HECTD2: variants seen among roughly 807,000 people sequenced by gnomAD.
HECTD2 encodes the protein probable E3 ubiquitin-protein ligase HECTD2.
Under a neutral mutation model 103.2 loss-of-function variants are expected in HECTD2, and 35 were observed. The ratio of observed to expected loss-of-function variants is 0.34; its 90% confidence interval spans 0.26 to 0.45. The LOEUF is 0.45. Ranked by LOEUF, HECTD2 falls within the 20% of genes least tolerant of loss-of-function variation. The pLI is 1.00. For missense variants in HECTD2, 596 were observed against 937.4 expected, an observed-to-expected ratio of 0.64 and a Z score of 4.76; for synonymous variants, 281 against 329.9, an observed-to-expected ratio of 0.85 and a Z score of 1.61.
chr10:91,468,404 AT>A (rs1367083486), intron 5 of HECTD2, among the ~76,000 whole-genome samples: 1 of 152,240 alleles, frequency 6.6e-6, no homozygotes, highest in Non-Finnish European at 1.5e-5. Context: ...GCCAAAAAAA[AT>A]AAAATCCCAT....
intron 2 of HECTD2, among the ~76,000 whole-genome samples, chr10:91,444,706 AAATC>A (rs1342471006): frequency 1.3e-5 from 2 of 152,098 alleles, no homozygotes; most frequent in African/African-American, 2.4e-5. Context: ...CAAAAAGAGA[AAATC>A]AATAACCATG....
At chr10:91,435,348 G>A (rs1186038609) in intron 2 of HECTD2, among the ~76,000 whole-genome samples, 1 of 151,960 alleles carries the variant, frequency 6.6e-6, no homozygotes, top group Non-Finnish European at 1.5e-5. Flanking sequence ...ACTGTCAAGA[G>A]TACTATAGGT....
At chr10:91,483,652 C>T (rs1846170551) in intron 8 of HECTD2, among the ~76,000 whole-genome samples, 1 of 151,916 alleles carries the variant, frequency 6.6e-6, no homozygotes, top group Middle Eastern at 3.4e-3. Flanking sequence ...TATCATTATT[C>T]ATAGTAGTTA....
intron 20 of HECTD2, among the ~76,000 whole-genome samples, chr10:91,503,997 G>GCAC (rs1038549206): frequency 3.3e-5 from 5 of 152,128 alleles, no homozygotes; most frequent in Non-Finnish European, 7.4e-5. Context: ...TAACTGGGAG[G>GCAC]CACCCTCCAG....
intron 20 of HECTD2, among the ~76,000 whole-genome samples, chr10:91,503,974 C>A (rs756672955): frequency 1.3e-5 from 2 of 152,190 alleles, no homozygotes; most frequent in Admixed American, 1.3e-4. Context: ...TGACACCTGA[C>A]CCCCGAGCAG....
intron 2 of HECTD2, among the ~76,000 whole-genome samples, chr10:91,456,319 T>C (rs1271698936): frequency 2.6e-5 from 4 of 152,164 alleles, no homozygotes; most frequent in African/African-American, 9.7e-5. Flanking sequence ...TCCTAGGTAT[T>C]TTATTCTCTT....
At chr10:91,416,532 T>C (rs1050543361) in intron 1 of HECTD2, among the ~76,000 whole-genome samples, 10 of 152,208 alleles carry the variant, frequency 6.6e-5, no homozygotes, top group Non-Finnish European at 1.0e-4. Flanking sequence ...GGCTATATCA[T>C]ATAACCTAGG....
Position 91,476,386 on chromosome 10 carries a change from T to C in HECTD2, c.601-1815T>C, listed in dbSNP as rs542964721. The stretch of plus-strand genomic sequence containing the variant: ...AGAGCTCCAGGATCACCACACCTGC[T>C]CAATCACCCAGAAATAGGTTTGGAG... On this transcript the variant is annotated intron_variant, in intron 5 of 20. Transcript: ENST00000298068. Among the ~76,000 whole-genome samples the C allele has an allele frequency of 4.9e-4, 74 of 152,234 alleles. 4 individuals carry two copies. In the South Asian group the frequency reaches 1.0e-2, roughly 20 times the overall value.
chr10:91,479,084 C>G (rs898060481), intron 6 of HECTD2, among the ~76,000 whole-genome samples: 2 of 152,078 alleles, frequency 1.3e-5, no homozygotes, highest in African/African-American at 4.8e-5. Flanking sequence ...TGTGGTTGCA[C>G]CGTCCTGTAA....
At chr10:91,503,381 A>G (rs1039243766) in intron 20 of HECTD2, among the ~76,000 whole-genome samples, 4 of 152,152 alleles carry the variant, frequency 2.6e-5, no homozygotes, top group Non-Finnish European at 5.9e-5. Flanking sequence ...TCATCTCACT[A>G]GGGAGTGCCA....
intron 11 of HECTD2, chr10:91,489,324 T>G (rs1477215418): frequency 6.6e-6 from 1 of 152,194 alleles, no homozygotes; most frequent in African/African-American, 2.4e-5. Context: ...AATTGCCATA[T>G]CACTTGGAAT....
At chr10:91,478,772 A>G (rs1034927364) in intron 6 of HECTD2, among the ~76,000 whole-genome samples, 1 of 151,892 alleles carries the variant, frequency 6.6e-6, no homozygotes, top group Non-Finnish European at 1.5e-5. Flanking sequence ...CATAATATAA[A>G]AATGTACTTT....
chr10:91,501,104 G>T, intron 19 of HECTD2, 87 bp from the exon 20 acceptor site: 1 of 1,155,538 alleles, frequency 8.7e-7, no homozygotes, highest in Non-Finnish European at 1.3e-6. Flanking sequence ...CTTAAGGAAA[G>T]TCCTTTCCTT....
intron 1 of HECTD2, among the ~76,000 whole-genome samples, chr10:91,415,379 G>C (rs1042880395): frequency 6.6e-6 from 1 of 152,148 alleles, no homozygotes; most frequent in African/African-American, 2.4e-5. Flanking sequence ...ATAAACTACA[G>C]ATATTACAAA....
chr10:91,494,017 T>G (rs1294677836), intron 14 of HECTD2, among the ~76,000 whole-genome samples: 1 of 152,034 alleles, frequency 6.6e-6, no homozygotes, highest in African/African-American at 2.4e-5. Flanking sequence ...TTTAAAAATT[T>G]TATAAGTCCA....
rs775712851 is a variant in HECTD2, at chr10:91,487,636, T to C, written c.1095-46T>C. The stretch of plus-strand genomic sequence containing the variant: ...TTAGATTCCCTTAGTATAATTTTGT[T>C]AAAAATACACCATTTTGCTTTTTCT... On this transcript the variant is annotated intron_variant, in intron 10 of 20. Transcript: ENST00000298068. The surrounding 1 kb of genome is among the most constrained non-coding windows in gnomAD (Gnocchi z 4.1). 10 of 1,265,032 alleles carry C rather than the reference T, an allele frequency of 7.9e-6. No individual in the cohort carries two copies. The South Asian group carries it at 1.1e-4, about 14-fold the overall frequency. The allele number at this position is 1,265,032 out of a possible 1,614,324, so 78.4% of individuals were successfully genotyped here. A position where few individuals can be genotyped will look rare whatever the true frequency, so the allele number is the denominator to read the frequency against.
intron 16 of HECTD2, 30 bp downstream of exon 16, chr10:91,498,212 A>T: frequency 7.0e-7 from 1 of 1,434,086 alleles, no homozygotes. Flanking sequence ...GTTATCTGTT[A>T]ATCATATATT....
intron 11 of HECTD2, among the ~76,000 whole-genome samples, chr10:91,490,744 A>G (rs1358531978): frequency 6.6e-6 from 1 of 150,864 alleles, no homozygotes; most frequent in Non-Finnish European, 1.5e-5. Flanking sequence ...ACAAAAAATT[A>G]GCCGGGCGTG....
intron 16 of HECTD2, 48 bp downstream of exon 16, chr10:91,498,230 T>G: frequency 8.0e-7 from 1 of 1,255,328 alleles, no homozygotes; most frequent in Non-Finnish European, 1.2e-6. Context: ...ATTTCATATA[T>G]GAACAGTGCA....
Sources: gnomAD v4.1 joint callset for allele counts (sites outside exome capture counted in the v4.1 genomes callset) on GRCh38, gnomAD v4.1.1 for gene constraint, Gnocchi (gnomAD v3.1) non-coding constraint, MANE v1.5 for transcripts, NCBI Gene and HGNC (gene_info 2026-07-23, HGNC 2026-07-21) for gene names.